Variants in STAB2 observed in about 807,000 individuals in gnomAD.
The protein encoded by STAB2 is stabilin 2.
A neutral mutation model predicts 338.1 loss-of-function variants in STAB2; 288 were observed. The ratio of observed to expected loss-of-function variants is 0.85; its 90% CI spans 0.77 to 0.94. The LOEUF is 0.94. Ranked by LOEUF, STAB2 falls within the 40% of genes least tolerant of loss-of-function variation. STAB2 has a pLI of 0.00. For synonymous variants in STAB2, 1,202 were observed against 1,193.3 expected, an observed-to-expected ratio of 1.01 and a Z score of -0.15; for missense variants, 3,141 against 3,210.1, an observed-to-expected ratio of 0.98 and a Z score of 0.52.
At chr12:103,688,960 G>T (rs1275099415) in intron 28 of STAB2, among the ~76,000 whole-genome samples, 1 of 151,960 alleles carries the variant, frequency 6.6e-6, no homozygotes, top group Non-Finnish European at 1.5e-5. Context: ...AGCCCTGGTG[G>T]GAGTATTTAC....
chr12:103,713,334 A>G (rs1485030963), intron 41 of STAB2, among the ~76,000 whole-genome samples: 3 of 152,192 alleles, frequency 2.0e-5, no homozygotes, highest in African/African-American at 7.2e-5. Context: ...GCAGCACTGG[A>G]CAATGATCAT....
chr12:103,709,112 A>G lies in STAB2; in HGVS notation c.4288+576A>G, dbSNP rs1200884618. Reference sequence around the variant, plus strand: ...GAAATAGCAATTTATTCTCCTGCCAATAGTGTCTGAGAGGCCCATTTCCTT... The same window carrying G: ...GAAATAGCAATTTATTCTCCTGCCAGTAGTGTCTGAGAGGCCCATTTCCTT... On this transcript the variant is annotated intron_variant, in intron 39 of 68. Coordinates refer to ENST00000388887, the MANE Select transcript of STAB2 (RefSeq NM_017564.10). 3.9e-5 allele frequency among the ~76,000 whole-genome samples: 6 copies of G among 152,176 alleles called. 1 individual carries two copies. In the East Asian group the frequency reaches 9.6e-4, roughly 24 times the overall value.
At chr12:103,665,629 C>T (rs963574520) in intron 18 of STAB2, among the ~76,000 whole-genome samples, 2 of 152,224 alleles carry the variant, frequency 1.3e-5, no homozygotes, top group Non-Finnish European at 2.9e-5. Context: ...AATCCTTGAC[C>T]TTGTTGTCCT....
intron 9 of STAB2, among the ~76,000 whole-genome samples, chr12:103,646,082 A>G (rs1182728996): frequency 2.6e-5 from 4 of 152,224 alleles, no homozygotes; most frequent in Non-Finnish European, 5.9e-5. Flanking sequence ...CTGAGGCAGG[A>G]GAATCACTTG....
rs772349990 is a variant in STAB2, at chr12:103,753,347, C to A, written c.6708C>A (p.Ala2236=). 1 of 1,614,202 alleles carries A rather than the reference C, an allele frequency of 6.2e-7. No individual in the cohort carries two copies. The highest frequency in any genetic ancestry group is 8.5e-7 in the Non-Finnish European group (1 of 1,180,012). Residue 2236 remains alanine, a synonymous_variant, in exon 61 of 69, where the codon GCC becomes GCA. Transcript: ENST00000388887. Reference sequence around the variant, plus strand: ...CAACCTACAACCAGCTCTCCTATGCCCAGAAGGTGGGTCTTCAGTTAGCAG... The same window carrying A: ...CAACCTACAACCAGCTCTCCTATGCACAGAAGGTGGGTCTTCAGTTAGCAG... The part of the protein sequence containing the change: ...TMATYNQLSY[A]QKAKYHLCSA...
At chr12:103,730,803 A>T (rs958034750) in intron 49 of STAB2, among the ~76,000 whole-genome samples, 2 of 152,146 alleles carry the variant, frequency 1.3e-5, no homozygotes, top group Admixed American at 6.5e-5. Flanking sequence ...AATCCCAGCA[A>T]TCCGGGAGGC....
At chr12:103,700,786 G>C (rs75158868) in intron 34 of STAB2, among the ~76,000 whole-genome samples, 5,624 of 152,148 alleles carry the variant, frequency 0.037, 178 homozygotes, top group East Asian at 0.15. Flanking sequence ...ATACAATAGA[G>C]GCTTTTATTG....
At chr12:103,670,490 A>G (rs1374175853) in intron 21 of STAB2, among the ~76,000 whole-genome samples, 1 of 152,168 alleles carries the variant, frequency 6.6e-6, no homozygotes, top group East Asian at 1.9e-4. Context: ...GACTTCCCTT[A>G]AAGTTCTAAA....
intron 1 of STAB2, among the ~76,000 whole-genome samples, chr12:103,589,850 C>T (rs983326857): frequency 6.6e-6 from 1 of 152,160 alleles, no homozygotes; most frequent in East Asian, 1.9e-4. Context: ...GAAATTTGCA[C>T]CTGCTTAAGT....
intron 24 of STAB2, among the ~76,000 whole-genome samples, chr12:103,676,539 G>A (rs116985557): frequency 1.3e-5 from 2 of 152,286 alleles, no homozygotes; most frequent in African/African-American, 2.4e-5. Context: ...GGAGCACAGT[G>A]GTGAAATCAT....
chr12:103,647,251 A>G (rs1486278500), intron 9 of STAB2, among the ~76,000 whole-genome samples: 1 of 152,178 alleles, frequency 6.6e-6, no homozygotes, highest in Non-Finnish European at 1.5e-5. Context: ...TAGGATTCTG[A>G]AGGTCTGCAG....
intron 56 of STAB2, 143 bp from the exon 57 acceptor site, chr12:103,745,030 A>T: frequency 1.5e-6 from 1 of 658,118 alleles, no homozygotes; most frequent in Non-Finnish European, 2.5e-6. Context: ...GTTATTTTTT[A>T]GATGTTTCAA....
At chr12:103,634,306 T>C (rs537798560) in intron 6 of STAB2, among the ~76,000 whole-genome samples, 2 of 152,236 alleles carry the variant, frequency 1.3e-5, no homozygotes, top group South Asian at 2.1e-4. Context: ...CTAGCTTGAG[T>C]TGGTTCACAA....
intron 59 of STAB2, 121 bp downstream of exon 59, chr12:103,749,277 A>G: frequency 8.8e-7 from 1 of 1,139,582 alleles, no homozygotes; most frequent in Non-Finnish European, 1.2e-6. Flanking sequence ...TTTCTAGCAC[A>G]GTCTGTTTCT....
At chr12:103,692,935 T>C in intron 31 of STAB2, 46 bp downstream of exon 31, 1 of 1,555,640 alleles carries the variant, frequency 6.4e-7, no homozygotes, top group Non-Finnish European at 8.8e-7. Flanking sequence ...CTTTTCCCTT[T>C]GTTGTTTATC....
At chr12:103,764,780 T>C (rs1884797761) in intron 68 of STAB2, among the ~76,000 whole-genome samples, 2 of 152,150 alleles carry the variant, frequency 1.3e-5, no homozygotes, top group South Asian at 4.1e-4. Context: ...CAAACCCATG[T>C]AAAGGCTTCT....
At position 103,759,153 on chromosome 12, in the gene STAB2, C is replaced by T. The variant is rs752027541; in HGVS notation, c.7128C>T (p.Ile2376=). ...CTCAGACCTTGTCTGGGCGGGACAT[C>T]GAGCACCACCTCGCCAATGTCAGCA... is the stretch of plus-strand genomic sequence containing the variant. The part of the protein sequence containing the change: ...GENETLSGRD[I]EHHLANVSMF... The change falls in exon 65 of 69, where the codon ATC becomes ATT. Residue 2376 remains isoleucine (I), a synonymous_variant. Transcript: ENST00000388887. 9 of 1,614,062 alleles carry T rather than the reference C, an allele frequency of 5.6e-6. No homozygotes were observed. The highest frequency in any genetic ancestry group is 1.1e-5 in the South Asian group (1 of 91,088).
chr12:103,652,765 A>G, intron 12 of STAB2, 60 bp downstream of exon 12: 1 of 1,450,106 alleles, frequency 6.9e-7, no homozygotes, highest in South Asian at 1.7e-5. Flanking sequence ...CAATGCCCAT[A>G]TCCTTCTCTC....
chr12:103,648,969 G>C, intron 10 of STAB2, 146 bp downstream of exon 10: 1 of 1,079,076 alleles, frequency 9.3e-7, no homozygotes, highest in Non-Finnish European at 1.3e-6. Context: ...GAGAGGGAAA[G>C]GGCAGGCAGC....
Sources: allele counts gnomAD v4.1 joint callset (sites outside exome capture counted in the v4.1 genomes callset), GRCh38; gene constraint gnomAD v4.1.1; transcripts MANE v1.5; gene names NCBI Gene and HGNC (gene_info 2026-07-23, HGNC 2026-07-21).